Variants in EBAG9 observed in about 807,000 individuals in gnomAD.
EBAG9 encodes the protein receptor-binding cancer antigen expressed on SiSo cells.
EBAG9 carries 16 observed loss-of-function variants against 30.9 expected under a neutral mutation model. The observed-to-expected ratio is 0.52, with a 90% CI of 0.35 to 0.79. EBAG9 has a LOEUF of 0.79. Ranked by LOEUF, EBAG9 falls within the 30% of genes least tolerant of loss-of-function variation. The probability of loss-of-function intolerance (pLI) is 0.01; values close to 1 mark genes in which losing one functional copy is unlikely to be tolerated. For synonymous variants in EBAG9, 93 were observed against 82.8 expected (o/e 1.12, Z -0.67); for missense variants, 197 against 242.1 (o/e 0.81, Z 1.24).
intron 2 of EBAG9, among the ~76,000 whole-genome samples, 165 bp from the exon 3 acceptor site, chr8:109,553,700 A>T (rs1821538724): frequency 6.6e-6 from 1 of 152,096 alleles, no homozygotes. Context: ...TGTCTGATTT[A>T]TGACTTTTTT....
chr8:109,543,463 T>A (rs1162329384), intron 1 of EBAG9, among the ~76,000 whole-genome samples: 1 of 152,150 alleles, frequency 6.6e-6, no homozygotes, highest in East Asian at 1.9e-4. Context: ...TTTTTCTGGC[T>A]TTCTGATTTT....
chr8:109,550,740 T>C, intron 1 of EBAG9, 70 bp from the exon 2 acceptor site: 4 of 842,924 alleles, frequency 4.7e-6, no homozygotes, highest in South Asian at 4.3e-5. Flanking sequence ...GCATAATAGG[T>C]CTTTTCAGGA....
At chr8:109,554,660 A>G in intron 3 of EBAG9, 69 bp from the exon 4 acceptor site, 2 of 1,480,696 alleles carry the variant, frequency 1.4e-6, no homozygotes, top group Non-Finnish European at 1.8e-6. Context: ...CATTTTTCTA[A>G]TAAATCATCA....
At chr8:109,549,219 T>G (rs1821446469) in intron 1 of EBAG9, among the ~76,000 whole-genome samples, 1 of 151,998 alleles carries the variant, frequency 6.6e-6, no homozygotes, top group Non-Finnish European at 1.5e-5. Flanking sequence ...TTTTAAATGT[T>G]AAACCAATCC....
chr8:109,553,017 A>C (rs1415803489), intron 2 of EBAG9, among the ~76,000 whole-genome samples: 2 of 152,116 alleles, frequency 1.3e-5, no homozygotes, highest in African/African-American at 4.8e-5. Context: ...TATAGCTTTG[A>C]ATCTGTAATA....
intron 4 of EBAG9, among the ~76,000 whole-genome samples, chr8:109,556,591 G>A (rs1821601693): frequency 6.6e-6 from 1 of 152,054 alleles, no homozygotes; most frequent in East Asian, 1.9e-4. Context: ...TATCTCACAT[G>A]CTGAGAGAGT....
At chr8:109,541,049 AT>A (rs148524460) in intron 1 of EBAG9, among the ~76,000 whole-genome samples, 29 of 151,662 alleles carry the variant, frequency 1.9e-4, no homozygotes, top group East Asian at 7.7e-4. Context: ...TTTTAATTGT[AT>A]TTTTTTTCCG....
At chr8:109,555,665 A>C (rs1374019307) in intron 4 of EBAG9, among the ~76,000 whole-genome samples, 1 of 152,038 alleles carries the variant, frequency 6.6e-6, no homozygotes, top group Non-Finnish European at 1.5e-5. Context: ...CTGATGCAGG[A>C]CTCTAAGAAC....
intron 1 of EBAG9, among the ~76,000 whole-genome samples, chr8:109,543,204 C>G (rs1302156482): frequency 7.8e-6 from 1 of 127,738 alleles, no homozygotes; most frequent in African/African-American, 2.8e-5. Flanking sequence ...AATTAGTAGG[C>G]CACTTCCAGG....
intron 1 of EBAG9, among the ~76,000 whole-genome samples, chr8:109,545,049 G>A (rs1346554093): frequency 2.0e-5 from 3 of 152,050 alleles, no homozygotes; most frequent in Non-Finnish European, 2.9e-5. Flanking sequence ...CAGACCGGGC[G>A]TGGTGGCCCA....
chr8:109,560,987 T>A, intron 6 of EBAG9, 58 bp downstream of exon 6: 1 of 1,471,434 alleles, frequency 6.8e-7, no homozygotes, highest in Middle Eastern at 1.7e-4. Context: ...TCTTCCCTGC[T>A]GTGTTTCAAG....
Position 109,560,938 on chromosome 8 carries a change from G to A in EBAG9, c.521+9G>A, listed in dbSNP as rs1170107642. The A allele has an allele frequency of 6.2e-7, 1 of 1,609,592 alleles. No individual in the cohort carries two copies. The highest frequency in any genetic ancestry group is 1.7e-5 in the Admixed American group (1 of 59,844). ...GCAGAAGAAGTTCTGAGGTATTTGAGTGGCATTTATATTGCAACCTGAGTA... is the reference window on the plus strand; with the variant it reads ...GCAGAAGAAGTTCTGAGGTATTTGAATGGCATTTATATTGCAACCTGAGTA... On this transcript the variant is annotated intron_variant, in intron 6 of 6. Transcript: ENST00000337573.
chr8:109,560,550 CT>C (rs1452747402), intron 5 of EBAG9, among the ~76,000 whole-genome samples: 2 of 152,118 alleles, frequency 1.3e-5, no homozygotes, highest in Non-Finnish European at 2.9e-5. Context: ...GTTCTTGTTC[CT>C]TCCAAAATAA....
intron 1 of EBAG9, among the ~76,000 whole-genome samples, chr8:109,544,826 C>T (rs890384687): frequency 6.6e-6 from 1 of 152,122 alleles, no homozygotes; most frequent in Non-Finnish European, 1.5e-5. Flanking sequence ...TATTTTGAGG[C>T]TCTTAGTCGG....
At chr8:109,557,253 C>T (rs1413793839) in intron 5 of EBAG9, among the ~76,000 whole-genome samples, 1 of 152,090 alleles carries the variant, frequency 6.6e-6, no homozygotes, top group African/African-American at 2.4e-5. Flanking sequence ...ATCAAGGTCT[C>T]ATTGTACACA....
chr8:109,543,894 G>A (rs1821330800), intron 1 of EBAG9, among the ~76,000 whole-genome samples: 1 of 152,062 alleles, frequency 6.6e-6, no homozygotes, highest in East Asian at 1.9e-4. Flanking sequence ...AGCGGGTGTG[G>A]TGGCATGTGC....
intron 1 of EBAG9, among the ~76,000 whole-genome samples, chr8:109,542,524 T>A (rs1318127291): frequency 6.6e-6 from 1 of 152,224 alleles, no homozygotes; most frequent in African/African-American, 2.4e-5. Context: ...TCTCCTTGAT[T>A]CTATTTCCTT....
At chr8:109,550,281 T>C (rs1821465365) in intron 1 of EBAG9, 1 of 153,388 alleles carries the variant, frequency 6.5e-6, no homozygotes, top group South Asian at 2.1e-4. Context: ...TTTAATAGAT[T>C]CCCAGATTTG....
intron 4 of EBAG9, among the ~76,000 whole-genome samples, chr8:109,556,135 C>T (rs147046545): frequency 2.0e-5 from 3 of 152,162 alleles, no homozygotes; most frequent in African/African-American, 7.2e-5. Context: ...TTAAAGTTCA[C>T]TTTCTTATTC....
Sources: allele counts gnomAD v4.1 joint callset (sites outside exome capture counted in the v4.1 genomes callset), GRCh38; gene constraint gnomAD v4.1.1; transcripts MANE v1.5; gene names NCBI Gene and HGNC (gene_info 2026-07-23, HGNC 2026-07-21).